Variants in CDH2 observed in about 807,000 individuals in gnomAD.
CDH2 encodes cadherin-2.
CDH2 carries 17 observed loss-of-function variants against 92.0 expected under a neutral mutation model. The ratio of observed to expected loss-of-function variants is 0.18; its 90% CI spans 0.13 to 0.28. The LOEUF is 0.28. CDH2 is among the 10% of genes least tolerant of loss of function. CDH2 has a pLI of 1.00. For missense variants in CDH2, 862 were observed against 1,133.1 expected, an observed-to-expected ratio of 0.76 and a Z score of 3.44; for synonymous variants, 419 against 415.9, an observed-to-expected ratio of 1.01 and a Z score of -0.09.
chr18:28,080,624 T>TA (rs2014811427), intron 2 of CDH2, among the ~76,000 whole-genome samples: 1 of 152,254 alleles, frequency 6.6e-6, no homozygotes, highest in African/African-American at 2.4e-5. Context: ...TTTGTTTGTA[T>TA]AATGCTTACA....
At chr18:28,101,672 A>T (rs913154912) in intron 2 of CDH2, among the ~76,000 whole-genome samples, 1 of 152,186 alleles carries the variant, frequency 6.6e-6, no homozygotes, top group Non-Finnish European at 1.5e-5. Context: ...GTTTTAAAAA[A>T]GAAAAAGGAT....
intron 6 of CDH2, among the ~76,000 whole-genome samples, chr18:28,004,385 A>G (rs888446993): frequency 6.6e-6 from 1 of 152,234 alleles, no homozygotes; most frequent in African/African-American, 2.4e-5. Context: ...AACGCAGTTT[A>G]GCTCAAAATT....
chr18:27,997,846 G>A (rs533797150), intron 7 of CDH2, among the ~76,000 whole-genome samples: 11 of 151,646 alleles, frequency 7.3e-5, no homozygotes, highest in Admixed American at 2.6e-4. Context: ...TCACTCTGTC[G>A]CCCAGGCTGG....
At chr18:28,008,284 T>G (rs913335603) in intron 5 of CDH2, among the ~76,000 whole-genome samples, 8 of 152,160 alleles carry the variant, frequency 5.3e-5, no homozygotes, top group Non-Finnish European at 1.2e-4. Context: ...GTTGTCTTTG[T>G]GAGACGTTTG....
At chr18:28,075,646 C>G (rs372604964) in intron 2 of CDH2, among the ~76,000 whole-genome samples, 2 of 152,110 alleles carry the variant, frequency 1.3e-5, no homozygotes, top group African/African-American at 4.8e-5. Flanking sequence ...AAAGCCCTTC[C>G]GTGGCTTTGT....
At chr18:28,005,319 C>T (rs56200414) in intron 6 of CDH2, among the ~76,000 whole-genome samples, 10,974 of 152,218 alleles carry the variant, frequency 0.072, 545 homozygotes, top group Non-Finnish European at 0.1. Flanking sequence ...GACACGCTGG[C>T]CACCCTGAAA....
At chr18:28,147,844 A>T in intron 1 of CDH2, 60 bp from the exon 2 acceptor site, 1 of 946,220 alleles carries the variant, frequency 1.1e-6, no homozygotes, top group Non-Finnish European at 1.7e-6. Flanking sequence ...TTCAACTGAG[A>T]AACATTCCAC....
At chr18:28,167,506 G>A (rs548268257) in intron 1 of CDH2, among the ~76,000 whole-genome samples, 2 of 152,104 alleles carry the variant, frequency 1.3e-5, no homozygotes, top group African/African-American at 2.4e-5. Flanking sequence ...AAGATTCTGC[G>A]TACTGAGTGG....
intron 1 of CDH2, among the ~76,000 whole-genome samples, chr18:28,166,175 T>TATATA (rs1167163222): frequency 7.5e-6 from 1 of 133,934 alleles, no homozygotes; most frequent in East Asian, 2.0e-4. Flanking sequence ...TATATATATG[T>TATATA]CTGTATTTTA....
intron 2 of CDH2, among the ~76,000 whole-genome samples, chr18:28,023,165 G>A (rs932002778): frequency 1.3e-5 from 2 of 151,964 alleles, no homozygotes; most frequent in Admixed American, 6.6e-5. Flanking sequence ...GACCTTATAT[G>A]GAATCACGAT....
chr18:28,156,028 T>C (rs2016204921), intron 1 of CDH2, among the ~76,000 whole-genome samples: 1 of 151,914 alleles, frequency 6.6e-6, no homozygotes, highest in South Asian at 2.1e-4. Flanking sequence ...GAGATTATCT[T>C]GTCTTGCATG....
intron 2 of CDH2, among the ~76,000 whole-genome samples, chr18:28,073,713 T>C (rs2144173290): frequency 6.6e-6 from 1 of 152,288 alleles, no homozygotes; most frequent in Non-Finnish European, 1.5e-5. Context: ...ACTGACAAAG[T>C]AATCAAGCTA....
intron 2 of CDH2, among the ~76,000 whole-genome samples, chr18:28,065,009 T>C (rs2014479344): frequency 6.6e-6 from 1 of 152,088 alleles, no homozygotes; most frequent in South Asian, 2.1e-4. Flanking sequence ...TCCCCAAAGC[T>C]GCTTACCATC....
At chr18:28,081,564 T>C (rs977582243) in intron 2 of CDH2, among the ~76,000 whole-genome samples, 7 of 152,230 alleles carry the variant, frequency 4.6e-5, no homozygotes, top group African/African-American at 1.7e-4. Context: ...TATAAATCTA[T>C]TTCTTGGACA....
chr18:27,974,269 A>G (rs538257551), intron 14 of CDH2, among the ~76,000 whole-genome samples: 4 of 152,220 alleles, frequency 2.6e-5, no homozygotes, highest in Non-Finnish European at 2.9e-5. Context: ...CTGATAACAT[A>G]TATCAAGAAA....
In CDH2 at chr18:28,042,884, T is replaced by C. The variant is rs150245689; in HGVS notation, c.173-28975A>G. 9.8e-5 allele frequency among the ~76,000 whole-genome samples: 15 copies of C among 152,302 alleles called. No individual in the cohort carries two copies. The East Asian group carries it at 2.9e-3, about 29-fold the overall frequency. On this transcript the variant is annotated intron_variant, in intron 2 of 15. Transcript: ENST00000269141. ...TGGAAGGAATAACAAAGCTCCTTCC[T>C]ACTAAGGAAACATAATGTTGATATT...
At chr18:28,033,050 A>G (rs1379409137) in intron 2 of CDH2, among the ~76,000 whole-genome samples, 7 of 152,136 alleles carry the variant, frequency 4.6e-5, no homozygotes, top group African/African-American at 1.7e-4. Flanking sequence ...CTGAAGATTC[A>G]ATGGAAATGG....
At position 28,176,947 on chromosome 18, in the gene CDH2, G is replaced by C. The variant is rs1329782972; in HGVS notation, c.60+16C>G. On this transcript the variant is annotated intron_variant, in intron 1 of 15. Transcript: ENST00000269141. ...CCACCCCGCCCGTGGCCCGGCCCGC[G>C]GGGACCGCCGCGTACCTGAAGCAGG... 7.8e-7 allele frequency: 1 copy of C among 1,289,206 alleles called. No individual in the cohort carries two copies. The highest frequency in any genetic ancestry group is 3.6e-5 in the Admixed American group (1 of 27,742). The allele number at this position is 1,289,206 out of a possible 1,614,324, so 79.9% of individuals were successfully genotyped here.
intron 15 of CDH2, 32 bp from the exon 16 acceptor site, chr18:27,952,391 T>A: frequency 6.4e-7 from 1 of 1,559,086 alleles, no homozygotes; most frequent in Non-Finnish European, 8.8e-7. Flanking sequence ...AATGAAAGAA[T>A]TAAGAGAGGG....
Sources: allele counts gnomAD v4.1 joint callset (sites outside exome capture counted in the v4.1 genomes callset), GRCh38; gene constraint gnomAD v4.1.1; transcripts MANE v1.5; gene names NCBI Gene and HGNC (gene_info 2026-07-23, HGNC 2026-07-21).